PCBP3: variants seen among roughly 807,000 people sequenced by gnomAD.
PCBP3 encodes the protein poly(rC) binding protein 3.
PCBP3 carries 25 observed loss-of-function variants against 52.7 expected under a neutral mutation model. The ratio of observed to expected loss-of-function variants is 0.47; its 90% CI spans 0.35 to 0.66. PCBP3 has a LOEUF of 0.66. Among genes scored for constraint, PCBP3 ranks in the 30% least tolerant of loss-of-function variants. The pLI is 0.01. For missense variants in PCBP3, 391 were observed against 490.3 expected, an observed-to-expected ratio of 0.80 and a Z score of 1.91; for synonymous variants, 162 against 183.0, an observed-to-expected ratio of 0.89 and a Z score of 0.93.
chr21:45,697,560 C>T (rs2082858833), intron 2 of PCBP3, among the ~76,000 whole-genome samples: 1 of 151,946 alleles, frequency 6.6e-6, no homozygotes, highest in Admixed American at 6.6e-5. Context: ...GCCTAGACAA[C>T]ATAGTGAGAT....
chr21:45,680,107 A>G lies in PCBP3; in HGVS notation c.-200+11155A>G, dbSNP rs563814951. On this transcript the variant is annotated intron_variant, in intron 2 of 17. Transcript: ENST00000681687. ...GATTGCCATGTCCATCCTTCTGACA[A>G]TGTCACATAATCTTGGCTACTGTGG... is the stretch of plus-strand genomic sequence containing the variant. Among the ~76,000 whole-genome samples the G allele has an allele frequency of 2.0e-4, 30 of 152,320 alleles. 1 individual carries two copies. The South Asian group carries it at 2.3e-3, about 12-fold the overall frequency.
chr21:45,886,040 G>A (rs115871262), intron 5 of PCBP3, among the ~76,000 whole-genome samples: 1 of 152,278 alleles, frequency 6.6e-6, no homozygotes, highest in South Asian at 2.1e-4. Flanking sequence ...AACAAGAAGT[G>A]AAAGTCCAGG....
intron 4 of PCBP3, among the ~76,000 whole-genome samples, chr21:45,825,129 A>G (rs528038560): frequency 1.3e-5 from 2 of 152,170 alleles, no homozygotes; most frequent in Admixed American, 6.5e-5. Flanking sequence ...TGTGCCACAC[A>G]GGAGGTAGCT....
chr21:45,874,406 T>C (rs749366452), intron 5 of PCBP3, among the ~76,000 whole-genome samples: 1 of 152,218 alleles, frequency 6.6e-6, no homozygotes, highest in East Asian at 1.9e-4. Flanking sequence ...TGATGCTTTA[T>C]AATTTCTACA....
chr21:45,822,248 A>G (rs1603444043), intron 4 of PCBP3, among the ~76,000 whole-genome samples: 1 of 152,278 alleles, frequency 6.6e-6, no homozygotes, highest in Non-Finnish European at 1.5e-5. Context: ...CGGGGTCCTC[A>G]GCCCCCACTG....
At chr21:45,811,852 A>T (rs940976901) in intron 4 of PCBP3, among the ~76,000 whole-genome samples, 3 of 152,182 alleles carry the variant, frequency 2.0e-5, no homozygotes, top group Non-Finnish European at 4.4e-5. Context: ...GTTTACACCT[A>T]TTGTAATAAC....
intron 4 of PCBP3, among the ~76,000 whole-genome samples, chr21:45,789,474 A>G (rs1340630880): frequency 6.6e-6 from 1 of 152,214 alleles, no homozygotes; most frequent in South Asian, 2.1e-4. Context: ...GGGGGTTGCC[A>G]GTGTTCAATA....
intron 4 of PCBP3, among the ~76,000 whole-genome samples, chr21:45,774,622 C>T (rs1414699530): frequency 6.6e-6 from 1 of 152,074 alleles, no homozygotes; most frequent in East Asian, 1.9e-4. Context: ...ACACTCTTAG[C>T]TTTTCTCTAG....
chr21:45,836,843 C>T (rs767836127), intron 4 of PCBP3, among the ~76,000 whole-genome samples: 1 of 152,150 alleles, frequency 6.6e-6, no homozygotes, highest in African/African-American at 2.4e-5. Context: ...TAGTCACACA[C>T]AAGGTGTCTT....
At chr21:45,834,234 C>T (rs1446889129) in intron 4 of PCBP3, among the ~76,000 whole-genome samples, 1 of 152,240 alleles carries the variant, frequency 6.6e-6, no homozygotes, top group African/African-American at 2.4e-5. Context: ...CCGCACAGTG[C>T]CTGGAGCCCG....
chr21:45,816,834 TATC>T lies in PCBP3; in HGVS notation c.-125-33123_-125-33121del, dbSNP rs532533433. On this transcript the variant is annotated intron_variant, in intron 4 of 17. Coordinates refer to ENST00000681687, the MANE Select transcript of PCBP3 (RefSeq NM_001384156.1). Reference sequence around the variant, plus strand: ...ACAAACCAGTAACACCATCGTTTATTATCATCGTCAGGTATTACTATTGTAAGT... The same window carrying T: ...ACAAACCAGTAACACCATCGTTTATTATCGTCAGGTATTACTATTGTAAGT... 2.5e-3 allele frequency among the ~76,000 whole-genome samples: 384 copies of T among 152,064 alleles called. 1 individual carries two copies. Among genetic ancestry groups the T allele is most frequent in the African/African-American group, 8.6e-3 (356 of 41,456 alleles).
chr21:45,792,800 C>G (rs2091694055), intron 4 of PCBP3, among the ~76,000 whole-genome samples: 1 of 152,206 alleles, frequency 6.6e-6, no homozygotes, highest in African/African-American at 2.4e-5. Context: ...AGAGGGCTGG[C>G]TGGCAGCACT....
chr21:45,920,732 T>A (rs1439900656), intron 13 of PCBP3, among the ~76,000 whole-genome samples: 1 of 152,100 alleles, frequency 6.6e-6, no homozygotes. Flanking sequence ...TGGCCTCCCC[T>A]CCATCCCTCC....
chr21:45,792,033 C>T (rs903248337), intron 4 of PCBP3, among the ~76,000 whole-genome samples: 1 of 152,276 alleles, frequency 6.6e-6, no homozygotes, highest in Admixed American at 6.5e-5. Flanking sequence ...TTTCTCTGTG[C>T]TGGGACCTCA....
chr21:45,661,525 G>A (rs111410117), intron 1 of PCBP3, among the ~76,000 whole-genome samples: 3,932 of 152,172 alleles, frequency 0.026, 184 homozygotes, highest in African/African-American at 0.09. Flanking sequence ...TTTGGTATAT[G>A]TATACTACAT....
chr21:45,701,781 A>G (rs1034713068), intron 2 of PCBP3, among the ~76,000 whole-genome samples: 1 of 152,204 alleles, frequency 6.6e-6, no homozygotes, highest in African/African-American at 2.4e-5. Flanking sequence ...GCTGGCCTTG[A>G]ACTCCTGACC....
chr21:45,819,738 C>G (rs1041585192), intron 4 of PCBP3, among the ~76,000 whole-genome samples: 1 of 152,232 alleles, frequency 6.6e-6, no homozygotes, highest in Admixed American at 6.5e-5. Flanking sequence ...AGGCCGGGGC[C>G]AGAGGGCTTG....
At chr21:45,781,787 G>T (rs939435011) in intron 4 of PCBP3, among the ~76,000 whole-genome samples, 1 of 152,152 alleles carries the variant, frequency 6.6e-6, no homozygotes, top group Admixed American at 6.5e-5. Flanking sequence ...ATCCATATAG[G>T]TGTGTACATA....
chr21:45,867,502 G>A (rs2094791562), intron 5 of PCBP3, among the ~76,000 whole-genome samples: 2 of 152,244 alleles, frequency 1.3e-5, no homozygotes, highest in African/African-American at 2.4e-5. Context: ...GCACGCGGAG[G>A]GTGCGGGCCG....
Sources: allele counts gnomAD v4.1 joint callset (sites outside exome capture counted in the v4.1 genomes callset), GRCh38; gene constraint gnomAD v4.1.1; transcripts MANE v1.5; gene names NCBI Gene and HGNC (gene_info 2026-07-23, HGNC 2026-07-21).